CDH18: variants seen among roughly 807,000 people sequenced by gnomAD.
The protein encoded by CDH18 is cadherin 18.
CDH18 carries 31 observed loss-of-function variants against 67.9 expected under a neutral mutation model. That is an observed-to-expected ratio of 0.46 (90% CI 0.34 to 0.62). The LOEUF is 0.62. CDH18 is among the 20% of genes least tolerant of loss of function. CDH18 has a pLI of 0.01. For missense variants in CDH18, 890 were observed against 975.5 expected, an observed-to-expected ratio of 0.91 and a Z score of 1.17; for synonymous variants, 362 against 347.2, an observed-to-expected ratio of 1.04 and a Z score of -0.48.
chr5:19,647,425 G>T (rs1243736899), intron 5 of CDH18, among the ~76,000 whole-genome samples: 1 of 148,598 alleles, frequency 6.7e-6, no homozygotes, highest in Non-Finnish European at 1.5e-5. Context: ...AGCTACTCAG[G>T]AGGCTGAGGC....
At chr5:20,356,839 A>G (rs1741665129) in intron 1 of CDH18, among the ~76,000 whole-genome samples, 1 of 148,744 alleles carries the variant, frequency 6.7e-6, no homozygotes, top group African/African-American at 2.5e-5. Context: ...ACCTATATAC[A>G]CACATATATA....
At chr5:20,185,675 T>A (rs1561859910) in intron 2 of CDH18, among the ~76,000 whole-genome samples, 1 of 152,066 alleles carries the variant, frequency 6.6e-6, no homozygotes, top group African/African-American at 2.4e-5. Flanking sequence ...GCTTAAATAT[T>A]ACTCCATCTA....
At chr5:19,610,428 T>C (rs1413314214) in intron 6 of CDH18, among the ~76,000 whole-genome samples, 1 of 152,084 alleles carries the variant, frequency 6.6e-6, no homozygotes, top group Non-Finnish European at 1.5e-5. Flanking sequence ...CAATTAAAAT[T>C]TTCTGTACAT....
chr5:19,570,109 T>G (rs1240755344), intron 8 of CDH18, among the ~76,000 whole-genome samples: 2 of 152,158 alleles, frequency 1.3e-5, no homozygotes, highest in East Asian at 3.8e-4. Context: ...TTTATGGTGC[T>G]ACATTTTTTT....
At chr5:19,757,537 G>A (rs1194348763) in intron 3 of CDH18, among the ~76,000 whole-genome samples, 3 of 152,174 alleles carry the variant, frequency 2.0e-5, no homozygotes, top group Non-Finnish European at 2.9e-5. Context: ...GTCAGGGGTG[G>A]CTGGGGAAAG....
intron 2 of CDH18, among the ~76,000 whole-genome samples, chr5:19,958,456 G>T (rs1796484557): frequency 6.8e-6 from 1 of 148,052 alleles, no homozygotes; most frequent in East Asian, 2.1e-4. Context: ...TGCCATCAAG[G>T]TCATTATGAA....
At chr5:20,271,777 T>C (rs1225344318) in intron 1 of CDH18, among the ~76,000 whole-genome samples, 2 of 152,028 alleles carry the variant, frequency 1.3e-5, no homozygotes, top group Non-Finnish European at 2.9e-5. Flanking sequence ...CTGTGAGAAA[T>C]AAATTTCTGT....
chr5:19,547,212 G>A (rs887573368), intron 8 of CDH18, among the ~76,000 whole-genome samples: 5 of 152,152 alleles, frequency 3.3e-5, no homozygotes, highest in Admixed American at 2.0e-4. Flanking sequence ...GTCTTATCAT[G>A]TGGAAAGGAC....
intron 5 of CDH18, among the ~76,000 whole-genome samples, chr5:19,688,633 A>C (rs1004784619): frequency 6.6e-6 from 1 of 152,192 alleles, no homozygotes; most frequent in Non-Finnish European, 1.5e-5. Flanking sequence ...AAAAATAAAA[A>C]AGCAAGGAAA....
chr5:20,266,013 A>G (rs546017352), intron 1 of CDH18, among the ~76,000 whole-genome samples: 1 of 152,320 alleles, frequency 6.6e-6, no homozygotes, highest in African/African-American at 2.4e-5. Flanking sequence ...TGGGACATCC[A>G]TCTTCTCCTC....
intron 5 of CDH18, among the ~76,000 whole-genome samples, chr5:19,718,952 A>G (rs745725081): frequency 3.9e-5 from 6 of 152,066 alleles, no homozygotes; most frequent in Non-Finnish European, 7.4e-5. Flanking sequence ...TTGTATTTAC[A>G]TATTATGTTA....
At chr5:20,052,693 C>A (rs78890553) in intron 2 of CDH18, among the ~76,000 whole-genome samples, 1 of 151,952 alleles carries the variant, frequency 6.6e-6, no homozygotes, top group Non-Finnish European at 1.5e-5. Context: ...ATATCAGTAA[C>A]AGCTCTTATT....
intron 5 of CDH18, among the ~76,000 whole-genome samples, chr5:19,695,178 C>G (rs1374561085): frequency 2.0e-5 from 3 of 152,078 alleles, no homozygotes; most frequent in African/African-American, 4.8e-5. Flanking sequence ...TTCCAGATCT[C>G]TGTGTGTGTG....
chr5:19,676,267 T>C (rs2150366898), intron 5 of CDH18, among the ~76,000 whole-genome samples: 1 of 152,172 alleles, frequency 6.6e-6, no homozygotes. Flanking sequence ...CTTTAAAACT[T>C]TTTTGAGAAT....
intron 4 of CDH18, among the ~76,000 whole-genome samples, chr5:19,727,726 A>C (rs1292177341): frequency 6.6e-6 from 1 of 152,208 alleles, no homozygotes; most frequent in Non-Finnish European, 1.5e-5. Flanking sequence ...AAGTCAAGAA[A>C]AAAAATATCT....
At chr5:19,771,821 T>C (rs764565816) in intron 3 of CDH18, among the ~76,000 whole-genome samples, 5 of 152,162 alleles carry the variant, frequency 3.3e-5, no homozygotes, top group Admixed American at 6.5e-5. Context: ...AGAAATCAAA[T>C]AGGCAGTTGT....
intron 5 of CDH18, 87 bp from the exon 6 acceptor site, chr5:19,612,688 CTTT>C: frequency 1.0e-6 from 1 of 998,948 alleles, no homozygotes; most frequent in Non-Finnish European, 1.5e-6. Context: ...TAAGAAATGT[CTTT>C]TAAAATAGCA....
chr5:20,301,786 TTTC>T (rs1735942799), intron 1 of CDH18, among the ~76,000 whole-genome samples: 2 of 59,296 alleles, frequency 3.4e-5, no homozygotes, highest in East Asian at 3.4e-4. Context: ...CTCTTTCTTT[TTTC>T]TTTTTTTTTT....
chr5:20,091,570 G>A (rs564786481), intron 2 of CDH18, among the ~76,000 whole-genome samples: 8 of 151,960 alleles, frequency 5.3e-5, no homozygotes, highest in Non-Finnish European at 1.0e-4. Context: ...ATTTAAATAT[G>A]GCCATCATAA....
Sources: allele counts gnomAD v4.1 joint callset (sites outside exome capture counted in the v4.1 genomes callset), GRCh38; gene constraint gnomAD v4.1.1; transcripts MANE v1.5; gene names NCBI Gene and HGNC (gene_info 2026-07-23, HGNC 2026-07-21).